The following ZIM2 variants were observed in gnomAD, a reference collection of about 807,000 sequenced individuals.
ZIM2 encodes zinc finger imprinted 2, also known as zinc finger protein 656.
ZIM2 carries 14 observed loss-of-function variants against 38.6 expected under a neutral mutation model. That is an observed-to-expected ratio of 0.36 (90% confidence interval 0.24 to 0.57). The LOEUF (loss-of-function observed/expected upper bound fraction) is 0.57. Among genes scored for constraint, ZIM2 ranks in the 20% least tolerant of loss-of-function variants. The probability of loss-of-function intolerance (pLI) is 0.81; values close to 1 mark genes in which losing one functional copy is unlikely to be tolerated. For synonymous variants in ZIM2, 247 were observed against 245.8 expected (o/e 1.00, Z -0.04); for missense variants, 680 against 695.1 (o/e 0.98, Z 0.24).
chr19:56,811,026 C>T, intron 9 of ZIM2: 1 of 975,718 alleles, frequency 1.0e-6, no homozygotes, highest in Non-Finnish European at 1.2e-6. Context: ...CAGTTATAAT[C>T]ATAAACCTGT....
Position 56,816,830 on chromosome 19 carries a change from G to C in ZIM2, c.490+916C>G. On this transcript the variant is annotated intron_variant, in intron 9 of 12. Transcript: ENST00000629319. ...GGCATGAAGGCTTCCTCACATTCCT[G>C]ATTCTTACATTCCACAAGATAACCT... 2.5e-6 allele frequency: 4 copies of C among 1,614,112 alleles called. No homozygotes were observed. The South Asian group carries it at 3.3e-5, about 13-fold the overall frequency.
intron 9 of ZIM2, chr19:56,811,728 G>A (rs745946445): frequency 2.1e-5 from 21 of 985,478 alleles, no homozygotes; most frequent in Admixed American, 6.1e-5. Flanking sequence ...CCCGATGTCC[G>A]TTCCAACCTC....
intron 9 of ZIM2, among the ~76,000 whole-genome samples, chr19:56,796,403 C>CT (rs967215671): frequency 1.6e-4 from 24 of 151,510 alleles, no homozygotes; most frequent in Non-Finnish European, 2.4e-4. Flanking sequence ...TTTTCTTTTT[C>CT]TTTTTTTTTA....
rs573488119 is a variant in ZIM2, at chr19:56,832,770, A to G, written c.-227+3248T>C. On this transcript the variant is annotated intron_variant, in intron 2 of 12. Transcript: ENST00000629319. ...GGGAGTCTGGCGTTCTTTGATCTCCAAAGGATGTTTTCTTTACACTAGATG... is the reference window on the plus strand; with the variant it reads ...GGGAGTCTGGCGTTCTTTGATCTCCGAAGGATGTTTTCTTTACACTAGATG... Among the ~76,000 whole-genome samples, 3 of 152,272 alleles carry G rather than the reference A, an allele frequency of 2.0e-5. No homozygotes were observed. In the East Asian group the frequency reaches 5.8e-4, roughly 29 times the overall value.
chr19:56,817,159 A>C, intron 9 of ZIM2: 1 of 1,614,182 alleles, frequency 6.2e-7, no homozygotes, highest in Non-Finnish European at 8.5e-7. Flanking sequence ...CAGGCTGCTC[A>C]CGCTCATGGC....
At chr19:56,787,787 G>T (rs1217710523) in intron 10 of ZIM2, among the ~76,000 whole-genome samples, 1 of 150,724 alleles carries the variant, frequency 6.6e-6, no homozygotes, top group Non-Finnish European at 1.5e-5. Context: ...GTCTATTCAG[G>T]GATTCGACTT....
intron 9 of ZIM2, chr19:56,799,002 T>C (rs966163572): frequency 6.6e-6 from 1 of 152,218 alleles, no homozygotes; most frequent in African/African-American, 2.4e-5. Flanking sequence ...TGAACACTTT[T>C]ATACGTTGGT....
At chr19:56,818,226 C>A (rs1418924354) in intron 8 of ZIM2, among the ~76,000 whole-genome samples, 2 of 152,196 alleles carry the variant, frequency 1.3e-5, no homozygotes, top group Non-Finnish European at 2.9e-5. Flanking sequence ...TGCAGCACAG[C>A]CAACTGCCCA....
intron 10 of ZIM2, among the ~76,000 whole-genome samples, chr19:56,783,867 C>G (rs1376280676): frequency 6.6e-6 from 1 of 152,172 alleles, no homozygotes; most frequent in Non-Finnish European, 1.5e-5. Flanking sequence ...CTCTTCAAAT[C>G]TAACATTATC....
At chr19:56,813,919 T>C (rs1001991369) in intron 9 of ZIM2, 10 of 1,614,106 alleles carry the variant, frequency 6.2e-6, no homozygotes, top group Admixed American at 5.0e-5. Context: ...TGTGCATTCA[T>C]GGCAGTCATA....
intron 7 of ZIM2, among the ~76,000 whole-genome samples, chr19:56,819,293 C>T (rs1471701368): frequency 6.6e-6 from 1 of 152,230 alleles, no homozygotes; most frequent in Non-Finnish European, 1.5e-5. Flanking sequence ...AGGGAGTCTC[C>T]AGTTTGCACA....
Position 56,774,699 on chromosome 19 carries a change from C to T in ZIM2, c.1666G>A (p.Asp556Asn), listed in dbSNP as rs759353591. ...LHSQEKTVEC[D>N]HC ...TGACTAAAGGTTTCTCAACAGTGATCGCACTCAACAGTTTTCTCTTGAGAA... is the reference window on the plus strand; with the variant it reads ...TGACTAAAGGTTTCTCAACAGTGATTGCACTCAACAGTTTTCTCTTGAGAA... The change falls in exon 13 of 13, where the codon GAT (aspartate) becomes AAT (asparagine). Residue 556 changes from aspartate to asparagine, a missense_variant. Asp to Asn is a conservative substitution (Grantham distance 23). Coordinates refer to ENST00000629319, the MANE Select transcript of ZIM2 (RefSeq NM_001387356.1). 55 of 1,613,652 alleles carry T rather than the reference C, an allele frequency of 3.4e-5. No individual in the cohort carries two copies. The highest frequency in any genetic ancestry group is 6.7e-5 in the East Asian group (3 of 44,882).
intron 9 of ZIM2, among the ~76,000 whole-genome samples, chr19:56,795,898 A>G (rs1321976954): frequency 1.3e-5 from 2 of 152,200 alleles, no homozygotes; most frequent in East Asian, 1.9e-4. Flanking sequence ...TAAGTTTTGG[A>G]GAGTTAATAT....
At chr19:56,833,045 G>A (rs969225574) in intron 2 of ZIM2, 6 of 419,694 alleles carry the variant, frequency 1.4e-5, no homozygotes, top group Admixed American at 5.5e-5. Context: ...TTTAATCAGA[G>A]AAATGATGGG....
Position 56,775,203 on chromosome 19 carries a change from C to T in ZIM2, c.1162G>A (p.Glu388Lys). Residue 388 changes from glutamate (E) to lysine (K), a missense_variant, in exon 13 of 13, where the codon GAA (glutamate) becomes AAA (lysine). Physicochemically the swap from Glu to Lys is moderately conservative, Grantham distance 56. Coordinates refer to ENST00000629319, the MANE Select transcript of ZIM2 (RefSeq NM_001387356.1). ...ERIHTGKKPY[E>K]CKQCAEAFYL... ...AAGGCTTCAGCACACTGTTTACATTCATAGGGTTTCTTCCCAGTATGGATC... is the reference window on the plus strand; with the variant it reads ...AAGGCTTCAGCACACTGTTTACATTTATAGGGTTTCTTCCCAGTATGGATC... 6.2e-7 allele frequency: 1 copy of T among 1,614,112 alleles called. No homozygotes were observed.
At position 56,829,343 on chromosome 19, in the gene ZIM2, C is replaced by CAAA. The variant is rs35948458; in HGVS notation, c.-226-2883_-226-2881dup. Among the ~76,000 whole-genome samples the CAAA allele has an allele frequency of 1.4e-3, 119 of 86,564 alleles. 1 individual carries two copies. Among genetic ancestry groups the CAAA allele is most frequent in the South Asian group, 5.3e-3 (14 of 2,646 alleles). The allele number at this position is 86,564 out of a possible 152,430, so 56.8% of individuals were successfully genotyped here. On this transcript the variant is annotated intron_variant, in intron 2 of 12. Transcript: ENST00000629319. ...TGGGCAACAGAGCGAGACTCCATCT[C>CAAA]AAAAAAAAAAAAAAAAAAGTCAGCT...
In ZIM2 at chr19:56,814,480, A is replaced by T. The variant is rs1407635164; in HGVS notation, c.490+3266T>A. 1 of 1,613,880 alleles carries T rather than the reference A, an allele frequency of 6.2e-7. No individual in the cohort carries two copies. Among genetic ancestry groups the T allele is most frequent in the East Asian group, 2.2e-5 (1 of 44,888 alleles). Reference sequence around the variant, plus strand: ...TATAGCTCCTTTGAGGGGCTCAGTAAGAAATGAGGTGTGAGTATAGGAGGA... The same window carrying T: ...TATAGCTCCTTTGAGGGGCTCAGTATGAAATGAGGTGTGAGTATAGGAGGA... On this transcript the variant is annotated intron_variant, in intron 9 of 12. Transcript: ENST00000629319. The surrounding 1 kb of genome is among the most constrained non-coding windows in gnomAD (Gnocchi z 5.8).
chr19:56,782,249 G>T, intron 10 of ZIM2, 128 bp from the exon 11 acceptor site: 1 of 1,229,394 alleles, frequency 8.1e-7, no homozygotes, highest in Non-Finnish European at 1.1e-6. Context: ...ATCTTTCTTT[G>T]TCTTATCGAG....
intron 12 of ZIM2, among the ~76,000 whole-genome samples, chr19:56,776,817 T>A (rs980507184): frequency 1.3e-5 from 2 of 152,064 alleles, no homozygotes; most frequent in Non-Finnish European, 2.9e-5. Flanking sequence ...GCATTTGGCG[T>A]CAGTAAACGG....
Sources: gnomAD v4.1 joint callset for allele counts (sites outside exome capture counted in the v4.1 genomes callset) on GRCh38, gnomAD v4.1.1 for gene constraint, Gnocchi (gnomAD v3.1) non-coding constraint, MANE v1.5 for transcripts, NCBI Gene and HGNC (gene_info 2026-07-23, HGNC 2026-07-21) for gene names.